Variants in MPP7 observed in about 807,000 individuals in gnomAD.
The protein encoded by MPP7 is MAGUK p55 scaffold protein 7, also known as MAGUK p55 subfamily member 7.
MPP7 carries 60 observed loss-of-function variants against 76.5 expected under a neutral mutation model. That is an observed-to-expected ratio of 0.78 (90% CI 0.64 to 0.97). The LOEUF is 0.97. Ranked by LOEUF, MPP7 falls within the 50% of genes least tolerant of loss-of-function variation. The pLI is 0.00. For missense variants in MPP7, 641 were observed against 694.0 expected, an observed-to-expected ratio of 0.92 and a Z score of 0.86; for synonymous variants, 237 against 244.5, an observed-to-expected ratio of 0.97 and a Z score of 0.29.
At chr10:28,082,856 C>A (rs1037095753) in intron 12 of MPP7, among the ~76,000 whole-genome samples, 1 of 152,048 alleles carries the variant, frequency 6.6e-6, no homozygotes, top group Admixed American at 6.6e-5. Flanking sequence ...CTCAGTCTCC[C>A]GAACAGCTGA....
chr10:28,290,195 G>A (rs1305981423), intron 1 of MPP7, among the ~76,000 whole-genome samples: 3 of 151,802 alleles, frequency 2.0e-5, no homozygotes, highest in African/African-American at 7.3e-5. Context: ...GTTTCTCTTG[G>A]AGCAATAACA....
rs773363068 is a variant in MPP7, at chr10:28,213,912, T to C, written c.38-11641A>G. On this transcript the variant is annotated intron_variant, in intron 2 of 16. Transcript: ENST00000683449. Reference sequence around the variant, plus strand: ...AAATTGGTATACATTGTTGGCAATATGAAAATTGAAAGCTTGCATTCTCTT... The same window carrying C: ...AAATTGGTATACATTGTTGGCAATACGAAAATTGAAAGCTTGCATTCTCTT... Among the ~76,000 whole-genome samples, 78 of 151,968 alleles carry C rather than the reference T, an allele frequency of 5.1e-4. 1 individual carries two copies. The highest frequency in any genetic ancestry group is 1.1e-3 in the Admixed American group (17 of 15,246).
At chr10:28,054,299 C>T (rs1186539232) in intron 16 of MPP7, 55 bp from the exon 17 acceptor site, 1 of 977,714 alleles carries the variant, frequency 1.0e-6, no homozygotes, top group Non-Finnish European at 1.5e-6. Context: ...TACCTCACTT[C>T]ATATCAATGC....
rs1239504294 is a variant in MPP7, at chr10:28,131,581, C to T, written c.426G>A (p.Leu142=). 1 of 1,600,218 alleles carries T rather than the reference C, an allele frequency of 6.2e-7. No homozygotes were observed. The highest frequency in any genetic ancestry group is 8.5e-7 in the Non-Finnish European group (1 of 1,172,244). ...DEEDSVKIIR[L]VKNREPLGAT... is the part of the protein sequence containing the mutation. ...TCACCAGTGGTTCTCTATTTTTGAC[C>T]AGACGGATTATTTTTACTGAGTCTT... The change falls in exon 6 of 17, where the codon CTG becomes CTA. Residue 142 remains leucine (L), a synonymous_variant. Coordinates refer to ENST00000683449, the MANE Select transcript of MPP7 (RefSeq NM_001318170.2).
At chr10:28,314,911 G>A (rs1841309836) in intron 2 of MPP7, among the ~76,000 whole-genome samples, 1 of 152,168 alleles carries the variant, frequency 6.6e-6, no homozygotes, top group Non-Finnish European at 1.5e-5. Context: ...ACTTTGGGAA[G>A]CCAAGGCAGG....
At chr10:28,225,730 C>G (rs1040563337) in intron 2 of MPP7, among the ~76,000 whole-genome samples, 1 of 152,126 alleles carries the variant, frequency 6.6e-6, no homozygotes, top group Non-Finnish European at 1.5e-5. Context: ...TAAAATGTTG[C>G]GGCATCCATG....
chr10:28,255,514 A>C (rs1296833126), intron 1 of MPP7, among the ~76,000 whole-genome samples: 1 of 151,658 alleles, frequency 6.6e-6, no homozygotes, highest in East Asian at 1.9e-4. Context: ...TCCTAGGTTC[A>C]AGCGATTCTT....
At chr10:28,303,076 C>T (rs1050444342), upstream of MPP7, among the ~76,000 whole-genome samples, 4 of 152,180 alleles carry the variant, frequency 2.6e-5, 1 homozygote, top group South Asian at 4.1e-4. Context: ...CGGCCCCCAC[C>T]CTCGGAGGGG....
At chr10:28,224,255 T>C (rs1838615775) in intron 2 of MPP7, among the ~76,000 whole-genome samples, 2 of 152,006 alleles carry the variant, frequency 1.3e-5, no homozygotes, top group African/African-American at 4.8e-5. Context: ...ATGCTGGAGA[T>C]GAATTAGTTT....
chr10:28,156,589 A>G (rs1277585018), intron 3 of MPP7, among the ~76,000 whole-genome samples: 2 of 152,188 alleles, frequency 1.3e-5, no homozygotes, highest in Non-Finnish European at 2.9e-5. Context: ...GCCTGGATGG[A>G]CACAGGAAAG....
At chr10:28,103,298 T>C (rs1392801971) in intron 11 of MPP7, among the ~76,000 whole-genome samples, 1 of 151,828 alleles carries the variant, frequency 6.6e-6, no homozygotes, top group East Asian at 1.9e-4. Context: ...CCTGTACACA[T>C]GCATCCTGTC....
chr10:28,270,537 G>C (rs1272941817), intron 1 of MPP7, among the ~76,000 whole-genome samples: 4 of 128,650 alleles, frequency 3.1e-5, no homozygotes, highest in African/African-American at 8.7e-5. Context: ...AAAAAAGGGG[G>C]GGGGGGAGGA....
chr10:28,163,876 A>C (rs1403207918), intron 3 of MPP7, among the ~76,000 whole-genome samples: 1 of 146,976 alleles, frequency 6.8e-6, no homozygotes, highest in Non-Finnish European at 1.5e-5. Context: ...GCGCCACTGC[A>C]CTCCAGCCTG....
intron 2 of MPP7, chr10:28,236,754 T>G (rs1839089951): frequency 6.6e-6 from 1 of 152,180 alleles, no homozygotes; most frequent in Admixed American, 6.6e-5. Context: ...CTTGCTCCTG[T>G]GGCACAAGGG....
chr10:28,119,907 C>G (rs926135581), intron 10 of MPP7, among the ~76,000 whole-genome samples, 192 bp from the exon 11 acceptor site: 2 of 152,032 alleles, frequency 1.3e-5, no homozygotes, highest in Non-Finnish European at 2.9e-5. Context: ...CCCTCCAAAA[C>G]CACTGGTCTT....
At chr10:28,318,444 G>T (rs1834340485) in intron 2 of MPP7, among the ~76,000 whole-genome samples, 1 of 152,172 alleles carries the variant, frequency 6.6e-6, no homozygotes, top group Admixed American at 6.5e-5. Context: ...CCAACACTTT[G>T]CGAGGCCAAG....
intron 1 of MPP7, among the ~76,000 whole-genome samples, chr10:28,261,202 GAAAACAC>G (rs1474522280): frequency 6.6e-6 from 1 of 152,220 alleles, no homozygotes; most frequent in Non-Finnish European, 1.5e-5. Context: ...ACACAGGTGA[GAAAACAC>G]AGAATTAACT....
At chr10:28,212,922 C>T (rs1264416503) in intron 2 of MPP7, among the ~76,000 whole-genome samples, 2 of 152,072 alleles carry the variant, frequency 1.3e-5, no homozygotes, top group African/African-American at 4.8e-5. Flanking sequence ...CAAATACAGA[C>T]AACTCTTAGA....
intron 13 of MPP7, among the ~76,000 whole-genome samples, chr10:28,063,385 C>T (rs562685669): frequency 3.7e-4 from 57 of 152,048 alleles, no homozygotes; most frequent in African/African-American, 1.4e-3. Context: ...TCACTTGAAC[C>T]CAGGAGGTGG....
Sources: allele counts gnomAD v4.1 joint callset (sites outside exome capture counted in the v4.1 genomes callset), GRCh38; gene constraint gnomAD v4.1.1; transcripts MANE v1.5; gene names NCBI Gene and HGNC (gene_info 2026-07-23, HGNC 2026-07-21).